Variants in CSMD1 observed in about 807,000 individuals in gnomAD.
CSMD1 encodes the protein CUB and sushi domain-containing protein 1.
CSMD1 carries 213 observed loss-of-function variants against 417.5 expected under a neutral mutation model. That is an observed-to-expected ratio of 0.51 (90% confidence interval 0.46 to 0.57). The LOEUF is 0.57. Ranked by LOEUF, CSMD1 falls within the 20% of genes least tolerant of loss-of-function variation. The pLI is 0.00. For synonymous variants in CSMD1, 2,862 were observed against 1,736.8 expected (o/e 1.65, Z -16.11); for missense variants, 6,923 against 4,529.7 (o/e 1.53, Z -15.17).
intron 50 of CSMD1, among the ~76,000 whole-genome samples, chr8:3,037,810 A>AAACATTAGACATTTTGT (rs1383407500): frequency 6.6e-6 from 1 of 152,204 alleles, no homozygotes; most frequent in Admixed American, 6.5e-5. Context: ...CCTGAGAGTG[A>AAACATTAGACATTTTGT]CTAGCTTTTT....
intron 26 of CSMD1, among the ~76,000 whole-genome samples, chr8:3,251,663 C>T (rs1445047989): frequency 2.6e-5 from 4 of 152,172 alleles, no homozygotes; most frequent in Non-Finnish European, 1.5e-5. Context: ...GCAGCATGGG[C>T]ATTTTCACAA....
At chr8:4,376,319 T>A (rs1237399347) in intron 3 of CSMD1, among the ~76,000 whole-genome samples, 4 of 152,190 alleles carry the variant, frequency 2.6e-5, no homozygotes, top group African/African-American at 9.7e-5. Flanking sequence ...CAGGACATTT[T>A]CAAGAAGAGA....
chr8:3,556,220 G>A (rs1799134017), intron 10 of CSMD1, among the ~76,000 whole-genome samples: 1 of 151,380 alleles, frequency 6.6e-6, no homozygotes, highest in Admixed American at 6.6e-5. Context: ...TGTTACAGTA[G>A]AATTTAGGAG....
intron 5 of CSMD1, among the ~76,000 whole-genome samples, chr8:3,874,567 C>G (rs1476959230): frequency 6.6e-6 from 1 of 152,122 alleles, no homozygotes; most frequent in Non-Finnish European, 1.5e-5. Context: ...ATGTTGCTGC[C>G]TCTGTGATGG....
At chr8:3,054,681 G>A (rs1812096201) in intron 49 of CSMD1, among the ~76,000 whole-genome samples, 2 of 152,134 alleles carry the variant, frequency 1.3e-5, no homozygotes, top group South Asian at 4.1e-4. Context: ...GTGTGTACAT[G>A]TGTCCATGTG....
chr8:4,897,180 G>C (rs1804553033), intron 1 of CSMD1, among the ~76,000 whole-genome samples: 1 of 152,070 alleles, frequency 6.6e-6, no homozygotes, highest in South Asian at 2.1e-4. Flanking sequence ...AGAGGAAGCT[G>C]TGCAATGTCA....
intron 9 of CSMD1, among the ~76,000 whole-genome samples, chr8:3,582,863 T>G (rs1201669989): frequency 6.6e-6 from 1 of 152,198 alleles, no homozygotes; most frequent in East Asian, 1.9e-4. Flanking sequence ...ATCACATACA[T>G]AGTTTGGGAA....
At chr8:3,695,500 G>A (rs1028890211) in intron 7 of CSMD1, among the ~76,000 whole-genome samples, 99 of 152,120 alleles carry the variant, frequency 6.5e-4, no homozygotes, top group African/African-American at 2.1e-3. Context: ...GATAATTAGC[G>A]TTTATCACAG....
chr8:3,826,699 T>C (rs1334727147), intron 5 of CSMD1, among the ~76,000 whole-genome samples: 2 of 152,202 alleles, frequency 1.3e-5, no homozygotes, highest in African/African-American at 4.8e-5. Flanking sequence ...TGGTCCTTGA[T>C]AATTTCTTTA....
At chr8:4,347,926 TAGG>T (rs1339791301) in intron 3 of CSMD1, among the ~76,000 whole-genome samples, 1 of 151,518 alleles carries the variant, frequency 6.6e-6, no homozygotes, top group Non-Finnish European at 1.5e-5. Flanking sequence ...AAGGATAAAA[TAGG>T]AGCACAAAAA....
intron 3 of CSMD1, among the ~76,000 whole-genome samples, chr8:4,413,182 T>C (rs34551084): frequency 0.023 from 3,434 of 152,254 alleles, 64 homozygotes; most frequent in Middle Eastern, 0.034. Flanking sequence ...ACACCTTAAA[T>C]TCACAAACAT....
In CSMD1 at chr8:2,966,755, C is replaced by A; in HGVS notation, c.8924-9G>T. 6.2e-7 allele frequency: 1 copy of A among 1,611,402 alleles called. No individual in the cohort carries two copies. On this transcript the variant is annotated splice_polypyrimidine_tract_variant and intron_variant, in intron 57 of 69. Coordinates refer to ENST00000635120, the MANE Select transcript of CSMD1 (RefSeq NM_033225.6). ...GTTGCCACAGGACACGGCTGTTAGG[C>A]AAACAAGAACACCACCACACACAGT...
In CSMD1 at chr8:4,882,789, C is replaced by T. The variant is rs957237897; in HGVS notation, c.85+111543G>A. Among the ~76,000 whole-genome samples, 13 of 152,084 alleles carry T rather than the reference C, an allele frequency of 8.5e-5. No homozygotes were observed. In the East Asian group the frequency reaches 2.5e-3, roughly 29 times the overall value. Reference sequence around the variant, plus strand: ...AAAACAGAATGCCTTACACTGAACACTTCCTCCTTTTTCAGTAACAAACTG... The same window carrying T: ...AAAACAGAATGCCTTACACTGAACATTTCCTCCTTTTTCAGTAACAAACTG... On this transcript the variant is annotated intron_variant, in intron 1 of 69. Coordinates refer to ENST00000635120, the MANE Select transcript of CSMD1 (RefSeq NM_033225.6).
intron 5 of CSMD1, among the ~76,000 whole-genome samples, chr8:3,952,696 G>A (rs3115652): frequency 1.2e-4 from 19 of 152,134 alleles, no homozygotes; most frequent in Admixed American, 1.2e-3. Context: ...GCACAGCATT[G>A]TGAATACACT....
At chr8:4,475,159 G>C (rs1295096609) in intron 2 of CSMD1, among the ~76,000 whole-genome samples, 2 of 152,160 alleles carry the variant, frequency 1.3e-5, no homozygotes, top group Non-Finnish European at 2.9e-5. Flanking sequence ...CAAGCCTATT[G>C]ATATGATTAT....
rs563386089 is a variant in CSMD1, at chr8:4,031,976, T to G, written c.539A>C (p.His180Pro). 1.4e-5 allele frequency: 23 copies of G among 1,613,952 alleles called. No homozygotes were observed. The South Asian group carries it at 1.9e-4, about 13-fold the overall frequency. ...SCLPGYILEG[H>P]AILTCIVSPG... ...GCTGACGATGCAGGTCAGGATGGCG[T>G]GGCCTTCCAAGATGTAGCCAGGGAG... The change falls in exon 4 of 70, where the codon CAC (histidine) becomes CCC (proline). Residue 180 changes from histidine to proline, a missense_variant. His to Pro is a moderately conservative substitution (Grantham distance 77, BLOSUM62 -2). Coordinates refer to ENST00000635120, the MANE Select transcript of CSMD1 (RefSeq NM_033225.6).
intron 1 of CSMD1, among the ~76,000 whole-genome samples, chr8:4,728,985 G>A (rs1745008127): frequency 1.3e-5 from 2 of 152,096 alleles, no homozygotes. Context: ...TTTAGAGGAG[G>A]GAGACTGTGG....
intron 5 of CSMD1, among the ~76,000 whole-genome samples, chr8:3,964,485 G>C (rs1043597225): frequency 1.3e-5 from 2 of 152,136 alleles, no homozygotes; most frequent in African/African-American, 4.8e-5. Context: ...TGCCGCATTT[G>C]TATTCTCTTT....
intron 3 of CSMD1, among the ~76,000 whole-genome samples, chr8:4,369,875 C>T (rs928239928): frequency 2.0e-5 from 3 of 152,110 alleles, no homozygotes; most frequent in African/African-American, 4.8e-5. Flanking sequence ...TTGGGTCTTG[C>T]TTCTTTACCC....
Sources: gnomAD v4.1 joint callset for allele counts (sites outside exome capture counted in the v4.1 genomes callset) on GRCh38, gnomAD v4.1.1 for gene constraint, MANE v1.5 for transcripts, NCBI Gene and HGNC (gene_info 2026-07-23, HGNC 2026-07-21) for gene names.